Variants in FCHSD2 observed in about 807,000 individuals in gnomAD.
FCHSD2 encodes FCH and double SH3 domains 2, also known as F-BAR and double SH3 domains protein 2.
In FCHSD2, 38 loss-of-function variants were observed where a neutral mutation model predicts 108.1. The ratio of observed to expected loss-of-function variants is 0.35; its 90% CI spans 0.27 to 0.46. The LOEUF (loss-of-function observed/expected upper bound fraction) is 0.46. FCHSD2 is among the 20% of genes least tolerant of loss of function. The pLI is 1.00. For missense variants in FCHSD2, 751 were observed against 897.8 expected (o/e 0.84, Z 2.09); for synonymous variants, 279 against 314.7 (o/e 0.89, Z 1.20).
At chr11:72,924,926 T>C (rs1203331805) in intron 8 of FCHSD2, among the ~76,000 whole-genome samples, 1 of 152,132 alleles carries the variant, frequency 6.6e-6, no homozygotes, top group Non-Finnish European at 1.5e-5. Flanking sequence ...AAAAGAAACA[T>C]ATAACATCTT....
At chr11:73,046,692 A>G (rs921990205) in intron 3 of FCHSD2, among the ~76,000 whole-genome samples, 2 of 152,222 alleles carry the variant, frequency 1.3e-5, no homozygotes, top group African/African-American at 4.8e-5. Context: ...CTAAAATAAA[A>G]GCACAAGTAT....
At position 72,867,845 on chromosome 11, in the gene FCHSD2, T is replaced by C. The variant is rs187361149; in HGVS notation, c.1308+20A>G. 3 of 1,602,902 alleles carry C rather than the reference T, an allele frequency of 1.9e-6. No individual in the cohort carries two copies. In the African/African-American group the frequency reaches 4.0e-5, roughly 21 times the overall value. ...CTTCAGTGAAAATCAACTTGTCATA[T>C]CCAAGAAAAGAAATCGTACCGAGTG... On this transcript the variant is annotated intron_variant, in intron 13 of 19. Coordinates refer to ENST00000409418, the MANE Select transcript of FCHSD2 (RefSeq NM_014824.3).
intron 12 of FCHSD2, among the ~76,000 whole-genome samples, chr11:72,882,142 C>CAAA (rs943533586): frequency 1.4e-5 from 2 of 140,290 alleles, no homozygotes; most frequent in Non-Finnish European, 3.1e-5. Context: ...GACTCCGTCT[C>CAAA]AAAAAAAAAG....
chr11:73,033,472 G>T (rs1335671544), intron 3 of FCHSD2, among the ~76,000 whole-genome samples: 2 of 151,958 alleles, frequency 1.3e-5, no homozygotes. Flanking sequence ...TAAGGTCTCC[G>T]CTTATAAACA....
chr11:72,853,004 G>A (rs562198853), intron 13 of FCHSD2, among the ~76,000 whole-genome samples: 1 of 152,292 alleles, frequency 6.6e-6, no homozygotes, highest in African/African-American at 2.4e-5. Flanking sequence ...CAGAAGGTGG[G>A]AGGAGGGAGA....
At chr11:72,868,801 G>A (rs188894363) in intron 12 of FCHSD2, among the ~76,000 whole-genome samples, 48 of 151,758 alleles carry the variant, frequency 3.2e-4, no homozygotes, top group African/African-American at 9.7e-4. Flanking sequence ...AGTCTTACAT[G>A]GCAAATATTC....
At chr11:72,855,695 C>T (rs1045170901) in intron 13 of FCHSD2, among the ~76,000 whole-genome samples, 1 of 152,120 alleles carries the variant, frequency 6.6e-6, no homozygotes, top group African/African-American at 2.4e-5. Context: ...AGCTAAAAGG[C>T]ATTTATTAAT....
At chr11:72,946,094 T>C (rs1004654647) in intron 8 of FCHSD2, among the ~76,000 whole-genome samples, 15 of 152,074 alleles carry the variant, frequency 9.9e-5, no homozygotes, top group African/African-American at 2.7e-4. Context: ...GACACATGCA[T>C]ACATATGTTT....
At chr11:73,076,779 A>G (rs1297599138) in intron 3 of FCHSD2, among the ~76,000 whole-genome samples, 1 of 152,210 alleles carries the variant, frequency 6.6e-6, no homozygotes, top group Non-Finnish European at 1.5e-5. Flanking sequence ...TTTGTAATGT[A>G]TTGATACTAC....
chr11:72,960,084 C>T (rs1269963869), intron 8 of FCHSD2, among the ~76,000 whole-genome samples: 2 of 152,120 alleles, frequency 1.3e-5, no homozygotes, highest in Non-Finnish European at 2.9e-5. Context: ...AAAGGTTTGG[C>T]TCACAGTTCT....
chr11:72,843,501 T>C lies in FCHSD2; in HGVS notation c.1475A>G (p.Glu492Gly). ...ASQPDELTIE[E>G]HEVLEVIEDG... ...TTCAATCACTTCTAACACCTCATGT[T>C]CCTCAATGGTCAACTCATCTGGTTG... Residue 492 changes from glutamate (E) to glycine (G), a missense_variant, in exon 15 of 20, where the codon GAA becomes GGA. Glu to Gly is a moderately conservative substitution (Grantham distance 98). Coordinates refer to ENST00000409418, the MANE Select transcript of FCHSD2 (RefSeq NM_014824.3). 6.2e-7 allele frequency: 1 copy of C among 1,613,878 alleles called. No individual in the cohort carries two copies. The highest frequency in any genetic ancestry group is 2.2e-5 in the East Asian group (1 of 44,890).
chr11:72,951,406 C>T (rs955233007), intron 8 of FCHSD2, among the ~76,000 whole-genome samples: 4 of 152,138 alleles, frequency 2.6e-5, no homozygotes, highest in African/African-American at 4.8e-5. Flanking sequence ...CAAACGAGAG[C>T]GACAGATTAC....
intron 3 of FCHSD2, among the ~76,000 whole-genome samples, chr11:73,064,654 T>C (rs532949265): frequency 6.6e-6 from 1 of 152,224 alleles, no homozygotes; most frequent in African/African-American, 2.4e-5. Flanking sequence ...TCAGTGGTGA[T>C]ATCCTGTGGG....
chr11:72,847,069 T>C (rs1861165460), intron 14 of FCHSD2, among the ~76,000 whole-genome samples: 1 of 152,204 alleles, frequency 6.6e-6, no homozygotes, highest in Non-Finnish European at 1.5e-5. Flanking sequence ...TAATCATGGC[T>C]CACTGCAGCC....
intron 8 of FCHSD2, among the ~76,000 whole-genome samples, chr11:72,968,715 A>G (rs1856957774): frequency 6.6e-6 from 1 of 152,158 alleles, no homozygotes; most frequent in Non-Finnish European, 1.5e-5. Flanking sequence ...AAAGGCTATA[A>G]ACTATATACC....
chr11:73,073,196 T>C (rs1047259819), intron 3 of FCHSD2, among the ~76,000 whole-genome samples: 7 of 152,370 alleles, frequency 4.6e-5, no homozygotes, highest in African/African-American at 1.7e-4. Context: ...GAAGCTAGAC[T>C]TGATTGTTCC....
chr11:72,931,375 G>A (rs1856188660), intron 8 of FCHSD2, among the ~76,000 whole-genome samples: 1 of 147,162 alleles, frequency 6.8e-6, no homozygotes, highest in Admixed American at 6.8e-5. Context: ...CTAAAGTGCT[G>A]GGACTACAGG....
intron 8 of FCHSD2, among the ~76,000 whole-genome samples, chr11:72,931,597 T>C (rs1856193615): frequency 6.6e-6 from 1 of 151,612 alleles, no homozygotes; most frequent in South Asian, 2.1e-4. Flanking sequence ...AAACCCCATC[T>C]CTACTAAAAA....
At chr11:73,026,227 C>T (rs1858225987) in intron 3 of FCHSD2, among the ~76,000 whole-genome samples, 2 of 152,144 alleles carry the variant, frequency 1.3e-5, no homozygotes, top group Admixed American at 6.5e-5. Flanking sequence ...AGTCCACCTA[C>T]CTTGGGCTCC....
Sources: gnomAD v4.1 joint callset for allele counts (sites outside exome capture counted in the v4.1 genomes callset) on GRCh38, gnomAD v4.1.1 for gene constraint, MANE v1.5 for transcripts, NCBI Gene and HGNC (gene_info 2026-07-23, HGNC 2026-07-21) for gene names.